The following BBS9 variants were observed in gnomAD, a reference collection of about 807,000 sequenced individuals.
BBS9 encodes the protein Bardet-Biedl syndrome 9.
A neutral mutation model predicts 117.7 loss-of-function variants in BBS9; 89 were observed. The observed-to-expected ratio is 0.76, with a 90% CI of 0.64 to 0.90. The LOEUF is 0.90. BBS9 is among the 40% of genes least tolerant of loss of function. BBS9 has a pLI of 0.00. For synonymous variants in BBS9, 379 were observed against 370.9 expected (o/e 1.02, Z -0.25); for missense variants, 982 against 1,042.2 (o/e 0.94, Z 0.80).
chr7:33,135,017 C>T (rs756262599), intron 1 of BBS9, among the ~76,000 whole-genome samples: 14 of 152,182 alleles, frequency 9.2e-5, no homozygotes, highest in Non-Finnish European at 1.8e-4. Context: ...CTTAGCCTCC[C>T]CAGTAGCTGG....
chr7:33,267,817 G>C (rs1045026145), intron 7 of BBS9, among the ~76,000 whole-genome samples: 1 of 152,024 alleles, frequency 6.6e-6, no homozygotes, highest in Admixed American at 6.6e-5. Flanking sequence ...TCTTTAATTT[G>C]TATAATTCCA....
At chr7:33,376,927 T>G (rs2128733796) in intron 17 of BBS9, among the ~76,000 whole-genome samples, 1 of 152,284 alleles carries the variant, frequency 6.6e-6, no homozygotes, top group Admixed American at 6.5e-5. Flanking sequence ...TGTAAGTTCC[T>G]TATAGATTCT....
chr7:33,261,293 G>A (rs961002115), intron 6 of BBS9, among the ~76,000 whole-genome samples: 3 of 152,074 alleles, frequency 2.0e-5, no homozygotes, highest in Non-Finnish European at 4.4e-5. Flanking sequence ...TTTTCTCCTT[G>A]ACTAAGCTCA....
At chr7:33,412,351 G>T (rs1158230029) in intron 19 of BBS9, among the ~76,000 whole-genome samples, 1 of 152,228 alleles carries the variant, frequency 6.6e-6, no homozygotes, top group Non-Finnish European at 1.5e-5. Context: ...CTGGTGTGAT[G>T]CATTCTAGGT....
intron 5 of BBS9, among the ~76,000 whole-genome samples, chr7:33,255,398 T>C (rs943126020): frequency 1.3e-5 from 2 of 151,324 alleles, no homozygotes; most frequent in African/African-American, 4.9e-5. Context: ...GCACCACTTA[T>C]TGAAGAGACT....
intron 19 of BBS9, among the ~76,000 whole-genome samples, chr7:33,467,404 G>A (rs767866488): frequency 6.6e-6 from 1 of 152,114 alleles, no homozygotes; most frequent in Non-Finnish European, 1.5e-5. Flanking sequence ...TATGAGGCTA[G>A]ACAAGATTTA....
chr7:33,551,341 C>T (rs974431167), intron 21 of BBS9, among the ~76,000 whole-genome samples: 3 of 152,054 alleles, frequency 2.0e-5, no homozygotes, highest in Admixed American at 6.6e-5. Context: ...CAGCAGTAAA[C>T]GGAGCACCTA....
intron 21 of BBS9, among the ~76,000 whole-genome samples, chr7:33,616,958 G>T (rs1017466910): frequency 7.2e-5 from 11 of 151,912 alleles, no homozygotes; most frequent in Non-Finnish European, 1.5e-4. Flanking sequence ...AGAGCATGTG[G>T]TATTTGACTT....
chr7:33,314,945 T>C (rs918873835), intron 9 of BBS9, among the ~76,000 whole-genome samples: 4 of 152,188 alleles, frequency 2.6e-5, no homozygotes, highest in African/African-American at 9.7e-5. Flanking sequence ...TTTGCTAGGT[T>C]GATTGTGCCA....
chr7:33,185,674 ATT>A (rs377217675), intron 5 of BBS9, among the ~76,000 whole-genome samples: 2 of 152,138 alleles, frequency 1.3e-5, no homozygotes, highest in Non-Finnish European at 2.9e-5. Context: ...AGTTGATGTT[ATT>A]TAAAAAAGAA....
chr7:33,179,799 G>T (rs1160857242), intron 5 of BBS9, among the ~76,000 whole-genome samples: 1 of 152,012 alleles, frequency 6.6e-6, no homozygotes, highest in Non-Finnish European at 1.5e-5. Flanking sequence ...AAAAAGGTTG[G>T]GGACCACTAT....
At chr7:33,496,640 C>G (rs1844758439) in intron 19 of BBS9, among the ~76,000 whole-genome samples, 1 of 152,036 alleles carries the variant, frequency 6.6e-6, no homozygotes, top group Non-Finnish European at 1.5e-5. Flanking sequence ...CCTATTAATA[C>G]AAAATAATAT....
At chr7:33,250,051 G>A (rs1795992127) in intron 5 of BBS9, among the ~76,000 whole-genome samples, 1 of 152,052 alleles carries the variant, frequency 6.6e-6, no homozygotes, top group African/African-American at 2.4e-5. Flanking sequence ...CTTAGATTTT[G>A]TATGTTAATG....
intron 5 of BBS9, among the ~76,000 whole-genome samples, chr7:33,220,882 G>T (rs553243430): frequency 8.5e-5 from 13 of 152,310 alleles, no homozygotes; most frequent in African/African-American, 2.9e-4. Flanking sequence ...TAAGGAGAAA[G>T]AAATCATGTT....
At chr7:33,491,472 G>T (rs1043106520) in intron 19 of BBS9, among the ~76,000 whole-genome samples, 1 of 152,170 alleles carries the variant, frequency 6.6e-6, no homozygotes, top group African/African-American at 2.4e-5. Context: ...ACTTCTAAGA[G>T]AATGTTCTGC....
chr7:33,234,334 A>G (rs1426429270), intron 5 of BBS9, among the ~76,000 whole-genome samples: 5 of 152,026 alleles, frequency 3.3e-5, no homozygotes. Flanking sequence ...TCCCCCAGCT[A>G]TTGAGGTATA....
chr7:33,407,028 T>TG (rs1229660518), intron 19 of BBS9, among the ~76,000 whole-genome samples: 10 of 151,000 alleles, frequency 6.6e-5, no homozygotes, highest in African/African-American at 2.4e-4. Flanking sequence ...CCTGCAGATG[T>TG]TTTCCAAGTT....
At position 33,559,839 on chromosome 7, in the gene BBS9, C is replaced by T. The variant is rs145043894; in HGVS notation, c.2521+25663C>T. On this transcript the variant is annotated intron_variant, in intron 21 of 22. Coordinates refer to ENST00000242067, the MANE Select transcript of BBS9 (RefSeq NM_198428.3). ...TTGCCACCAGCAATTATGCTGCCAT[C>T]ATTCTCACCTATCTGCAGCTTCCAG... Among the ~76,000 whole-genome samples, 832 of 152,250 alleles carry T rather than the reference C, an allele frequency of 5.5e-3. 8 individuals carry two copies. The highest frequency in any genetic ancestry group is 0.02 in the Middle Eastern group (6 of 294).
At chr7:33,154,736 A>C (rs1255562236) in intron 3 of BBS9, among the ~76,000 whole-genome samples, 1 of 152,112 alleles carries the variant, frequency 6.6e-6, no homozygotes, top group African/African-American at 2.4e-5. Flanking sequence ...CAGCCTCCCA[A>C]AATGCTGGAT....
Sources: allele counts gnomAD v4.1 joint callset (sites outside exome capture counted in the v4.1 genomes callset), GRCh38; gene constraint gnomAD v4.1.1; transcripts MANE v1.5; gene names NCBI Gene and HGNC (gene_info 2026-07-23, HGNC 2026-07-21).